The following GALNT17 variants were observed in gnomAD, a reference collection of about 807,000 sequenced individuals.
GALNT17 encodes the protein polypeptide N-acetylgalactosaminyltransferase 17, also known as UDP-GalNAc:polypeptide N-acetylgalactosaminyltransferase-like 3.
A neutral mutation model predicts 63.7 loss-of-function variants in GALNT17; 29 were observed. The observed-to-expected ratio is 0.46, with a 90% CI of 0.34 to 0.62. GALNT17 has a LOEUF of 0.62. Ranked by LOEUF, GALNT17 falls within the 20% of genes least tolerant of loss-of-function variation. GALNT17 has a pLI of 0.01. For synonymous variants in GALNT17, 305 were observed against 318.3 expected, an observed-to-expected ratio of 0.96 and a Z score of 0.45; for missense variants, 603 against 799.6, an observed-to-expected ratio of 0.75 and a Z score of 2.97.
intron 5 of GALNT17, among the ~76,000 whole-genome samples, chr7:71,510,215 G>T (rs1788332973): frequency 6.6e-6 from 1 of 152,146 alleles, no homozygotes; most frequent in Non-Finnish European, 1.5e-5. Context: ...CCAAAGTGTT[G>T]GGATTACAGG....
intron 2 of GALNT17, among the ~76,000 whole-genome samples, chr7:71,383,886 A>G (rs1022838742): frequency 1.3e-5 from 2 of 152,282 alleles, no homozygotes; most frequent in African/African-American, 4.8e-5. Context: ...TGCTTCCAAC[A>G]TTTAGCTGCG....
intron 9 of GALNT17, among the ~76,000 whole-genome samples, chr7:71,697,639 C>T (rs946490824): frequency 2.0e-5 from 3 of 152,166 alleles, no homozygotes; most frequent in African/African-American, 7.2e-5. Flanking sequence ...TGAGCATCAT[C>T]ATACCAAAAT....
At chr7:71,137,488 T>C (rs1167303716) in intron 1 of GALNT17, among the ~76,000 whole-genome samples, 1 of 152,206 alleles carries the variant, frequency 6.6e-6, no homozygotes, top group Admixed American at 6.6e-5. Context: ...CACAGCCCCT[T>C]GCACTTAATG....
intron 5 of GALNT17, among the ~76,000 whole-genome samples, chr7:71,530,251 G>A (rs1232895733): frequency 6.6e-6 from 1 of 151,970 alleles, no homozygotes; most frequent in Non-Finnish European, 1.5e-5. Flanking sequence ...TTTTGAGTTG[G>A]GTTTATGTCT....
chr7:71,496,176 GA>G (rs1326074682), intron 5 of GALNT17, among the ~76,000 whole-genome samples: 3 of 152,134 alleles, frequency 2.0e-5, no homozygotes, highest in Admixed American at 2.0e-4. Flanking sequence ...GTTGCACAGG[GA>G]AGAGGACTTC....
At chr7:71,253,452 T>C (rs1029368149) in intron 1 of GALNT17, among the ~76,000 whole-genome samples, 3 of 151,870 alleles carry the variant, frequency 2.0e-5, no homozygotes, top group African/African-American at 7.3e-5. Context: ...ATGGGAATTA[T>C]GGGAGCTAGA....
intron 5 of GALNT17, among the ~76,000 whole-genome samples, chr7:71,522,160 G>A (rs558308504): frequency 5.3e-4 from 81 of 152,248 alleles, no homozygotes; most frequent in African/African-American, 1.8e-3. Flanking sequence ...AAAACAGACC[G>A]TGCTGGAAAC....
intron 1 of GALNT17, among the ~76,000 whole-genome samples, chr7:71,201,150 G>C (rs1789159246): frequency 6.6e-6 from 1 of 150,928 alleles, no homozygotes; most frequent in Admixed American, 6.6e-5. Context: ...TCAGTAATTG[G>C]CTTATTAAAG....
intron 5 of GALNT17, among the ~76,000 whole-genome samples, chr7:71,488,440 C>T (rs927467044): frequency 2.0e-5 from 3 of 152,060 alleles, no homozygotes; most frequent in Non-Finnish European, 2.9e-5. Context: ...AATGGGACCC[C>T]GTTGCTCATT....
At chr7:71,610,119 C>T (rs1790103320) in intron 6 of GALNT17, among the ~76,000 whole-genome samples, 1 of 151,950 alleles carries the variant, frequency 6.6e-6, no homozygotes, top group Non-Finnish European at 1.5e-5. Flanking sequence ...TCTCCGATCA[C>T]AATATAATAA....
At chr7:71,595,325 G>A (rs1337291427) in intron 6 of GALNT17, among the ~76,000 whole-genome samples, 4 of 152,104 alleles carry the variant, frequency 2.6e-5, no homozygotes, top group Non-Finnish European at 5.9e-5. Flanking sequence ...AGCTACTAAG[G>A]AGGTTGAGGT....
At chr7:71,624,552 T>A (rs1406996227) in intron 6 of GALNT17, among the ~76,000 whole-genome samples, 1 of 152,258 alleles carries the variant, frequency 6.6e-6, no homozygotes, top group Non-Finnish European at 1.5e-5. Flanking sequence ...TGTCATTCAC[T>A]GCTGTAGAGC....
chr7:71,177,020 C>T (rs1447461918), intron 1 of GALNT17, among the ~76,000 whole-genome samples: 4 of 152,104 alleles, frequency 2.6e-5, no homozygotes, highest in South Asian at 4.1e-4. Context: ...GACAGAGCTT[C>T]GAGCAGGGGC....
chr7:71,295,237 T>C (rs1791056602), intron 1 of GALNT17, among the ~76,000 whole-genome samples: 1 of 152,222 alleles, frequency 6.6e-6, no homozygotes. Context: ...ACTTGCTTCC[T>C]GTGTGAGCTC....
chr7:71,274,139 A>C (rs969486111), intron 1 of GALNT17, among the ~76,000 whole-genome samples: 6 of 152,176 alleles, frequency 3.9e-5, no homozygotes, highest in Non-Finnish European at 7.3e-5. Context: ...CCTGGTGTAC[A>C]TATTTCTACT....
At chr7:71,184,969 TTCC>T (rs1788812878) in intron 1 of GALNT17, among the ~76,000 whole-genome samples, 1 of 110,332 alleles carries the variant, frequency 9.1e-6, no homozygotes, top group Non-Finnish European at 1.7e-5. Context: ...CCTTCCTTCC[TTCC>T]TTCCTTCCTT....
At chr7:71,253,330 A>C (rs1225358509) in intron 1 of GALNT17, among the ~76,000 whole-genome samples, 16 of 151,942 alleles carry the variant, frequency 1.1e-4, no homozygotes, top group Admixed American at 1.1e-3. Context: ...AGAAGGGGAA[A>C]CCCCTTATAA....
chr7:71,622,154 G>A (rs1790303704), intron 6 of GALNT17, among the ~76,000 whole-genome samples: 2 of 152,180 alleles, frequency 1.3e-5, no homozygotes, highest in South Asian at 2.1e-4. Context: ...AGGGGAACAG[G>A]GACCCAGCAC....
rs577243632 is a variant in GALNT17 at position 71,590,293 on chromosome 7, C to T, written c.1080+18891C>T. 2.0e-5 allele frequency among the ~76,000 whole-genome samples: 3 copies of T among 152,300 alleles called. No individual in the cohort carries two copies. The South Asian group carries it at 6.2e-4, about 32-fold the overall frequency. The stretch of plus-strand genomic sequence containing the variant: ...CATAATAGCCAAACCATTTACTCTA[C>T]CACTGGAAAATAGTGTGGTATTCTG... On this transcript the variant is annotated intron_variant, in intron 6 of 10. Transcript: ENST00000333538.
Sources: gnomAD v4.1 joint callset for allele counts (sites outside exome capture counted in the v4.1 genomes callset) on GRCh38, gnomAD v4.1.1 for gene constraint, MANE v1.5 for transcripts, NCBI Gene and HGNC (gene_info 2026-07-23, HGNC 2026-07-21) for gene names.